MACC1: variants seen among roughly 807,000 people sequenced by gnomAD.
MACC1 encodes MET transcriptional regulator MACC1, also known as metastasis-associated in colon cancer protein 1.
Under a neutral mutation model 70.7 loss-of-function variants are expected in MACC1, and 79 were observed. The observed-to-expected ratio is 1.12, with a 90% CI of 0.93 to 1.35. MACC1 has a LOEUF of 1.35. Among genes scored for constraint, MACC1 ranks in the 40% most tolerant of loss-of-function variants. The pLI is 0.00. For synonymous variants in MACC1, 361 were observed against 347.2 expected, an observed-to-expected ratio of 1.04 and a Z score of -0.44; for missense variants, 1,106 against 978.1, an observed-to-expected ratio of 1.13 and a Z score of -1.74.
intron 1 of MACC1, among the ~76,000 whole-genome samples, chr7:20,189,793 A>G (rs1782645838): frequency 6.6e-6 from 1 of 151,246 alleles, no homozygotes; most frequent in African/African-American, 2.4e-5. Flanking sequence ...AGAGAGAAAA[A>G]AGAGAGAGAG....
At chr7:20,210,346 C>G (rs1293607966) in intron 1 of MACC1, among the ~76,000 whole-genome samples, 1 of 152,156 alleles carries the variant, frequency 6.6e-6, no homozygotes, top group African/African-American at 2.4e-5. Flanking sequence ...CATCCACAGC[C>G]TAGGTTAGGC....
In MACC1 at chr7:20,212,148, G is replaced by C. The variant is rs185408945; in HGVS notation, c.-218+5151C>G. 3.6e-3 allele frequency among the ~76,000 whole-genome samples: 553 copies of C among 152,210 alleles called. 2 individuals carry two copies. Among genetic ancestry groups the C allele is most frequent in the Middle Eastern group, 0.014 (4 of 294 alleles). ...GTGAAAAGAGAATAGGATTAAGCAG[G>C]GTACTTTTTTATCTTTAATATTTTA... On this transcript the variant is annotated intron_variant, in intron 1 of 6. Transcript: ENST00000400331.
chr7:20,211,391 G>A (rs1782994001), intron 1 of MACC1, among the ~76,000 whole-genome samples: 1 of 152,056 alleles, frequency 6.6e-6, no homozygotes, highest in African/African-American at 2.4e-5. Flanking sequence ...TAAAGTAAGT[G>A]CCTGTTAAAT....
chr7:20,155,716 TAGA>T (rs1782045510), intron 5 of MACC1, among the ~76,000 whole-genome samples: 1 of 152,188 alleles, frequency 6.6e-6, no homozygotes, highest in African/African-American at 2.4e-5. Context: ...AGTATGCAAT[TAGA>T]AGGACTACCC....
chr7:20,216,931 A>G (rs760966265), intron 1 of MACC1, among the ~76,000 whole-genome samples: 5 of 152,092 alleles, frequency 3.3e-5, no homozygotes, highest in Non-Finnish European at 5.9e-5. Flanking sequence ...TTTTTAACAT[A>G]CCTGTATGCT....
At chr7:20,205,243 T>C (rs895144767) in intron 1 of MACC1, among the ~76,000 whole-genome samples, 6 of 152,202 alleles carry the variant, frequency 3.9e-5, no homozygotes, top group African/African-American at 1.4e-4. Context: ...TCAAAAGCTA[T>C]TGCATACAAT....
intron 1 of MACC1, among the ~76,000 whole-genome samples, chr7:20,176,918 G>T (rs28605578): frequency 6.6e-6 from 1 of 152,094 alleles, no homozygotes; most frequent in Non-Finnish European, 1.5e-5. Context: ...GGATGGTGAA[G>T]GGAAGAGGAG....
At chr7:20,161,145 A>G (rs1044145855) in intron 4 of MACC1, among the ~76,000 whole-genome samples, 1 of 152,102 alleles carries the variant, frequency 6.6e-6, no homozygotes, top group Non-Finnish European at 1.5e-5. Context: ...AATAATTATA[A>G]AGACTCTGTA....
chr7:20,190,676 GA>G lies in MACC1; in HGVS notation c.-217-19899del, dbSNP rs1050464167. On this transcript the variant is annotated intron_variant, in intron 1 of 6. Coordinates refer to ENST00000400331, the MANE Select transcript of MACC1 (RefSeq NM_182762.4). The stretch of plus-strand genomic sequence containing the variant: ...CAAAATTGGTTAGTTTTTATCAAAC[GA>G]AAAAAAATGGAAAGGTTTTCATCAC... 2.6e-5 allele frequency among the ~76,000 whole-genome samples: 4 copies of G among 151,502 alleles called. No individual in the cohort carries two copies. In the East Asian group the frequency reaches 5.8e-4, roughly 22 times the overall value.
chr7:20,185,569 G>A (rs1403236327), intron 1 of MACC1, among the ~76,000 whole-genome samples: 1 of 151,668 alleles, frequency 6.6e-6, no homozygotes, highest in Non-Finnish European at 1.5e-5. Context: ...AAAAGGAGGA[G>A]GATAAAAATA....
At chr7:20,165,964 T>C (rs1045846772) in intron 2 of MACC1, among the ~76,000 whole-genome samples, 1 of 152,150 alleles carries the variant, frequency 6.6e-6, no homozygotes, top group Non-Finnish European at 1.5e-5. Context: ...TCAGAAGATA[T>C]TTTTTGTGAG....
chr7:20,211,241 T>C (rs1381086465), intron 1 of MACC1, among the ~76,000 whole-genome samples: 4 of 152,100 alleles, frequency 2.6e-5, no homozygotes, highest in African/African-American at 9.7e-5. Context: ...AGAGGTATAA[T>C]AGCATTATCT....
intron 2 of MACC1, among the ~76,000 whole-genome samples, chr7:20,165,894 A>G (rs908061462): frequency 6.6e-6 from 1 of 152,126 alleles, no homozygotes; most frequent in Non-Finnish European, 1.5e-5. Context: ...TTATTTTACT[A>G]TTTAAACTAG....
chr7:20,181,491 A>G (rs990489412), intron 1 of MACC1, among the ~76,000 whole-genome samples: 1 of 152,098 alleles, frequency 6.6e-6, no homozygotes, highest in Non-Finnish European at 1.5e-5. Context: ...GCATTTGATA[A>G]TATATTCATG....
chr7:20,198,074 C>CCTCCAG (rs112824844), intron 1 of MACC1, among the ~76,000 whole-genome samples: 72,671 of 151,586 alleles, frequency 0.48, 17,973 homozygotes, highest in East Asian at 0.87. Flanking sequence ...ACCACAGTGG[C>CCTCCAG]TAATCCAGGT....
chr7:20,181,080 CTG>C (rs59476252), intron 1 of MACC1, among the ~76,000 whole-genome samples: 42,356 of 148,996 alleles, frequency 0.28, 7,069 homozygotes, highest in East Asian at 0.84. Flanking sequence ...TGTATGTGCT[CTG>C]TGTGTGTGTG....
chr7:20,183,894 G>C (rs1345491413), intron 1 of MACC1, among the ~76,000 whole-genome samples: 1 of 151,936 alleles, frequency 6.6e-6, no homozygotes, highest in African/African-American at 2.4e-5. Context: ...TTTTAGTAGA[G>C]ACAGGGTTTC....
chr7:20,170,756 T>G lies in MACC1; in HGVS notation c.-195A>C, dbSNP rs1290661046. The stretch of plus-strand genomic sequence containing the variant: ...ACTTCAAACACTGATGTGAATCATT[T>G]GCATATCATCTGACAAGGCTACCTA... On this transcript the variant is annotated 5_prime_UTR_variant, in exon 2 of 7. Transcript: ENST00000400331. The G allele has an allele frequency of 6.6e-6, 1 of 152,228 alleles. No individual in the cohort carries two copies. The highest frequency in any genetic ancestry group is 1.5e-5 in the Non-Finnish European group (1 of 68,044). The allele number at this position is 152,228 out of a possible 1,614,324, so 9.4% of individuals were successfully genotyped here.
intron 5 of MACC1, among the ~76,000 whole-genome samples, chr7:20,155,823 C>A (rs948892715): frequency 2.0e-5 from 3 of 152,110 alleles, no homozygotes; most frequent in Non-Finnish European, 4.4e-5. Context: ...CCTGATGGTG[C>A]TTTTAGTAAA....
Sources: gnomAD v4.1 joint callset for allele counts (sites outside exome capture counted in the v4.1 genomes callset) on GRCh38, gnomAD v4.1.1 for gene constraint, MANE v1.5 for transcripts, NCBI Gene and HGNC (gene_info 2026-07-23, HGNC 2026-07-21) for gene names.